Variants in ADAMTSL1 observed in about 807,000 individuals in gnomAD.
The protein encoded by ADAMTSL1 is ADAMTS-like protein 1.
Under a neutral mutation model 201.8 loss-of-function variants are expected in ADAMTSL1, and 126 were observed. The observed-to-expected ratio is 0.62, with a 90% CI of 0.54 to 0.72. ADAMTSL1 has a LOEUF of 0.72. Among genes scored for constraint, ADAMTSL1 ranks in the 30% least tolerant of loss-of-function variants. The probability of loss-of-function intolerance (pLI) is 0.00; values close to 1 mark genes in which losing one functional copy is unlikely to be tolerated. For synonymous variants in ADAMTSL1, 1,121 were observed against 903.4 expected, an observed-to-expected ratio of 1.24 and a Z score of -4.32; for missense variants, 2,679 against 2,277.8, an observed-to-expected ratio of 1.18 and a Z score of -3.59.
intron 3 of ADAMTSL1, among the ~76,000 whole-genome samples, chr9:18,538,416 C>T (rs1176389088): frequency 6.6e-6 from 1 of 152,080 alleles, no homozygotes; most frequent in African/African-American, 2.4e-5. Context: ...TACACTCAAA[C>T]AGTGAGAGAT....
chr9:18,123,696 C>T (rs192031096), intron 1 of ADAMTSL1, among the ~76,000 whole-genome samples: 3 of 152,210 alleles, frequency 2.0e-5, no homozygotes, highest in South Asian at 2.1e-4. Flanking sequence ...GTACAGACGT[C>T]GACACTGCAT....
intron 23 of ADAMTSL1, among the ~76,000 whole-genome samples, chr9:18,852,341 A>T (rs1277948471): frequency 1.3e-5 from 2 of 152,242 alleles, no homozygotes; most frequent in Non-Finnish European, 2.9e-5. Flanking sequence ...AGCACTTAGA[A>T]TGGTGCCTTC....
chr9:18,280,167 A>G (rs1832731074), intron 2 of ADAMTSL1, among the ~76,000 whole-genome samples: 1 of 151,154 alleles, frequency 6.6e-6, no homozygotes, highest in African/African-American at 2.4e-5. Context: ...AATGTATCTG[A>G]GGTGGCTGGT....
intron 2 of ADAMTSL1, among the ~76,000 whole-genome samples, chr9:18,297,481 G>C (rs1437914424): frequency 1.3e-5 from 2 of 151,748 alleles, no homozygotes; most frequent in Non-Finnish European, 2.9e-5. Context: ...AATCTCAGAC[G>C]TGAACTTATT....
chr9:18,101,854 A>G (rs896007509), intron 1 of ADAMTSL1, among the ~76,000 whole-genome samples: 1 of 152,186 alleles, frequency 6.6e-6, no homozygotes, highest in Non-Finnish European at 1.5e-5. Context: ...TTGACTTTAG[A>G]TCAGAGGATG....
intron 2 of ADAMTSL1, among the ~76,000 whole-genome samples, chr9:18,216,695 A>G (rs1212849708): frequency 7.0e-6 from 1 of 142,260 alleles, no homozygotes; most frequent in African/African-American, 2.6e-5. Flanking sequence ...CAAACATTTC[A>G]TAATTCTCTT....
chr9:17,986,312 C>G (rs190781326), intron 1 of ADAMTSL1, among the ~76,000 whole-genome samples: 49 of 152,146 alleles, frequency 3.2e-4, no homozygotes, highest in African/African-American at 1.2e-3. Flanking sequence ...GAATTCAGTT[C>G]TGGCCCTCTC....
intron 1 of ADAMTSL1, among the ~76,000 whole-genome samples, chr9:17,917,541 G>GC (rs1294838122): frequency 1.3e-5 from 2 of 151,874 alleles, no homozygotes; most frequent in Non-Finnish European, 2.9e-5. Context: ...CTTGGAATAA[G>GC]CCCAAATTGA....
At chr9:18,585,945 C>G (rs1004026180) in intron 4 of ADAMTSL1, among the ~76,000 whole-genome samples, 1 of 152,000 alleles carries the variant, frequency 6.6e-6, no homozygotes, top group South Asian at 2.1e-4. Flanking sequence ...TACCCTAAAA[C>G]AATAAGAGTC....
At chr9:18,567,814 A>C in intron 3 of ADAMTSL1, among the ~76,000 whole-genome samples, 1 of 152,240 alleles carries the variant, frequency 6.6e-6, no homozygotes, top group South Asian at 2.1e-4. Flanking sequence ...TATGAGATAA[A>C]GTTTAATTTA....
At position 18,224,555 on chromosome 9, in the gene ADAMTSL1, A is replaced by T. The variant is rs529294924; in HGVS notation, c.207+60574A>T. Among the ~76,000 whole-genome samples, 103 of 152,308 alleles carry T rather than the reference A, an allele frequency of 6.8e-4. 1 individual carries two copies. The highest frequency in any genetic ancestry group is 2.5e-3 in the African/African-American group (102 of 41,578). ...CCCCCCAAATTTATGTGCTTCTCAC[A>T]TACAAAATACATCAATTTCATCTCA... On this transcript the variant is annotated intron_variant, in intron 2 of 29. Transcript: ENST00000680146.
intron 23 of ADAMTSL1, among the ~76,000 whole-genome samples, chr9:18,882,393 A>G (rs1828586603): frequency 6.6e-6 from 1 of 152,114 alleles, no homozygotes; most frequent in African/African-American, 2.4e-5. Flanking sequence ...TATTTCAGTC[A>G]GGCTAAAAAG....
chr9:18,427,528 A>AT (rs910285043), intron 2 of ADAMTSL1, among the ~76,000 whole-genome samples: 2 of 152,204 alleles, frequency 1.3e-5, no homozygotes, highest in Admixed American at 6.5e-5. Context: ...GGAAAGAGAA[A>AT]TTTTTTTAAG....
chr9:17,970,388 G>C (rs912634078), intron 1 of ADAMTSL1, among the ~76,000 whole-genome samples: 2 of 151,950 alleles, frequency 1.3e-5, no homozygotes, highest in Non-Finnish European at 1.5e-5. Flanking sequence ...TGCCATTTCT[G>C]TGTCTAAAAC....
intron 4 of ADAMTSL1, among the ~76,000 whole-genome samples, chr9:18,610,488 C>T (rs1453600943): frequency 6.6e-6 from 1 of 152,050 alleles, no homozygotes; most frequent in East Asian, 1.9e-4. Flanking sequence ...TAAAGAGACC[C>T]AATTTAGACA....
At chr9:18,180,360 C>A (rs983614517) in intron 2 of ADAMTSL1, among the ~76,000 whole-genome samples, 6 of 151,822 alleles carry the variant, frequency 4.0e-5, no homozygotes, top group African/African-American at 9.7e-5. Context: ...GGTGAAACCC[C>A]GTCTCTACTA....
chr9:17,947,334 C>CAA (rs1827539153), intron 1 of ADAMTSL1, among the ~76,000 whole-genome samples: 1 of 146,558 alleles, frequency 6.8e-6, no homozygotes, highest in Non-Finnish European at 1.5e-5. Context: ...CACACACACA[C>CAA]ACACACACAC....
intron 9 of ADAMTSL1, among the ~76,000 whole-genome samples, chr9:18,668,283 G>A (rs948097725): frequency 6.6e-5 from 10 of 152,098 alleles, no homozygotes; most frequent in African/African-American, 2.4e-4. Context: ...TTCATAATGA[G>A]ATAAATGATA....
chr9:18,074,561 C>CTTTTTTTTTTTTTTTTTTTTTT (rs138619215), intron 1 of ADAMTSL1, among the ~76,000 whole-genome samples: 11 of 131,362 alleles, frequency 8.4e-5, no homozygotes, highest in South Asian at 2.6e-4. Context: ...CTTCTCTTTT[C>CTTTTTTTTTTTTTTTTTTTTTT]TTTTTTTTTT....
Sources: allele counts gnomAD v4.1 joint callset (sites outside exome capture counted in the v4.1 genomes callset), GRCh38; gene constraint gnomAD v4.1.1; transcripts MANE v1.5; gene names NCBI Gene and HGNC (gene_info 2026-07-23, HGNC 2026-07-21).